Variants in RAP1B observed in about 807,000 individuals in gnomAD.
The protein encoded by RAP1B is RAP1B, member of RAS oncogene family.
In RAP1B, 1 loss-of-function variant was observed where a neutral mutation model predicts 27.5. The observed-to-expected ratio is 0.04, with a 90% confidence interval of 0.01 to 0.17. The LOEUF is 0.17. Among genes scored for constraint, RAP1B ranks in the 10% least tolerant of loss-of-function variants. The probability of loss-of-function intolerance (pLI) is 1.00; values close to 1 mark genes in which losing one functional copy is unlikely to be tolerated. For missense variants in RAP1B, 84 were observed against 214.8 expected, an observed-to-expected ratio of 0.39 and a Z score of 3.81; for synonymous variants, 75 against 73.1, an observed-to-expected ratio of 1.03 and a Z score of -0.13.
chr12:68,652,012 A>G lies in RAP1B; in HGVS notation c.144A>G (p.Ala48=), dbSNP rs751708035. ...TCTACCAGCAAGTTGAAGTAGATGC[A>G]CAACAGTGTATGCTTGAAATCTTGG... ...DSYRKQVEVD[A]QQCMLEILDT... The change falls in exon 4 of 8, where the codon GCA becomes GCG. Residue 48 remains alanine (A), a synonymous_variant. Coordinates refer to ENST00000250559, the MANE Select transcript of RAP1B (RefSeq NM_001010942.3). 6.2e-7 allele frequency: 1 copy of G among 1,613,206 alleles called. No individual in the cohort carries two copies. Among genetic ancestry groups the G allele is most frequent in the South Asian group, 1.1e-5 (1 of 91,028 alleles).
rs771484278 is a variant in RAP1B at position 68,650,352 on chromosome 12, T to C, written c.58-48T>C. 20 of 1,443,674 alleles carry C rather than the reference T, an allele frequency of 1.4e-5. No individual in the cohort carries two copies. The South Asian group carries it at 2.6e-4, about 19-fold the overall frequency. 89.4% of individuals were successfully genotyped at this position (1,443,674 alleles called of 1,614,324 possible). On this transcript the variant is annotated intron_variant, in intron 2 of 7. Transcript: ENST00000250559. ...GTTTACAATTACATTAAAGATTGAA[T>C]GTACTCTTTTCTTTAGAAGTATAAT...
At chr12:68,652,929 C>A (rs540801568) in intron 4 of RAP1B, among the ~76,000 whole-genome samples, 1 of 151,954 alleles carries the variant, frequency 6.6e-6, no homozygotes, top group South Asian at 2.1e-4. Context: ...TTTGATTGAG[C>A]TGGGTATGAT....
At chr12:68,657,319 A>G (rs1874275294) in intron 7 of RAP1B, 102 bp downstream of exon 7, 1 of 691,752 alleles carries the variant, frequency 1.4e-6, no homozygotes, top group Non-Finnish European at 2.5e-6. Flanking sequence ...GTTCTGAAAA[A>G]TAAATGGTTT....
rs1170565833 is a variant in RAP1B, at chr12:68,667,173, CTCT to C, written c.*7927_*7929del. ...TTTTCAGACATATCCAGAGGGTTTTCTCTTCATCTCACGCATCCCACCTTTAAT... is the reference window on the plus strand; with the variant it reads ...TTTTCAGACATATCCAGAGGGTTTTCTCATCTCACGCATCCCACCTTTAAT... On this transcript the variant is annotated 3_prime_UTR_variant, in exon 8 of 8. Transcript: ENST00000250559. The C allele has an allele frequency of 1.3e-5, 2 of 152,142 alleles. No homozygotes were observed. Among genetic ancestry groups the C allele is most frequent in the Admixed American group, 6.5e-5 (1 of 15,274 alleles). The allele number at this position is 152,142 out of a possible 1,614,324, so 9.4% of individuals were successfully genotyped here.
intron 1 of RAP1B, among the ~76,000 whole-genome samples, chr12:68,625,562 T>G (rs1312519090): frequency 6.6e-6 from 1 of 152,234 alleles, no homozygotes; most frequent in Admixed American, 6.5e-5. Flanking sequence ...AAGTTTCATT[T>G]TGAATGTATA....
At chr12:68,615,495 A>G (rs1334714803) in intron 1 of RAP1B, among the ~76,000 whole-genome samples, 1 of 152,024 alleles carries the variant, frequency 6.6e-6, no homozygotes. Context: ...AGACTGAGGC[A>G]GGAGAATCGC....
intron 1 of RAP1B, among the ~76,000 whole-genome samples, chr12:68,643,948 C>T (rs1235837508): frequency 6.6e-6 from 1 of 151,090 alleles, no homozygotes; most frequent in East Asian, 1.9e-4. Flanking sequence ...TTTTTTATTC[C>T]AGGGAATTGA....
rs781033479 is a variant in RAP1B, at chr12:68,656,303, T to C, written c.325-3T>C. 2.5e-6 allele frequency: 4 copies of C among 1,598,544 alleles called. No individual in the cohort carries two copies. The Admixed American group carries it at 5.0e-5, about 20-fold the overall frequency. ...ATTTTTACTCTCACAAATGTATTTT[T>C]AGGTTCCAATGATTCTTGTTGGTAA... On this transcript the variant is annotated splice_region_variant and splice_polypyrimidine_tract_variant and intron_variant, in intron 5 of 7. Coordinates refer to ENST00000250559, the MANE Select transcript of RAP1B (RefSeq NM_001010942.3).
chr12:68,616,765 C>T (rs1052079363), intron 1 of RAP1B, among the ~76,000 whole-genome samples: 1 of 151,988 alleles, frequency 6.6e-6, no homozygotes, highest in African/African-American at 2.4e-5. Context: ...GACGTTTCGC[C>T]ATGTTGCCCA....
intron 1 of RAP1B, among the ~76,000 whole-genome samples, chr12:68,633,963 C>T (rs1375377959): frequency 6.6e-6 from 1 of 152,198 alleles, no homozygotes; most frequent in Non-Finnish European, 1.5e-5. Context: ...GTATCCTCCT[C>T]TTCCCGTGTA....
Position 68,656,288 on chromosome 12 carries a change from TCA to T in RAP1B, c.325-15_325-14del. The T allele has an allele frequency of 6.3e-7, 1 of 1,581,900 alleles. No homozygotes were observed. The highest frequency in any genetic ancestry group is 8.7e-7 in the Non-Finnish European group (1 of 1,152,520). On this transcript the variant is annotated splice_polypyrimidine_tract_variant and intron_variant, in intron 5 of 7. Transcript: ENST00000250559. ...CATATTTACTTATTTATTTTTACTC[TCA>T]CAAATGTATTTTTAGGTTCCAATGA... is the stretch of plus-strand genomic sequence containing the variant.
At position 68,656,566 on chromosome 12, in the gene RAP1B, C is replaced by CA. The variant is rs368220197; in HGVS notation, c.468+129dup. ...CAGGGTAATATGTTGATGTTACAGG[C>CA]AAAAAAAAAAAACCCTCATGTTAAA... On this transcript the variant is annotated intron_variant, in intron 6 of 7. Transcript: ENST00000250559. The CA allele has an allele frequency of 0.037, 24,304 of 656,736 alleles. No homozygotes were observed. The highest frequency in any genetic ancestry group is 0.063 in the South Asian group (2,721 of 43,190). 40.7% of individuals were successfully genotyped at this position (656,736 alleles called of 1,614,324 possible). A position where few individuals can be genotyped will look rare whatever the true frequency, so the allele number is the denominator to read the frequency against.
chr12:68,653,059 A>T (rs939761087), intron 4 of RAP1B, among the ~76,000 whole-genome samples: 2 of 151,530 alleles, frequency 1.3e-5, no homozygotes, highest in Non-Finnish European at 1.5e-5. Context: ...AAATACAAAA[A>T]TTAGCCAGGT....
chr12:68,640,389 C>G (rs148345918), intron 1 of RAP1B, among the ~76,000 whole-genome samples: 246 of 152,114 alleles, frequency 1.6e-3, no homozygotes, highest in Non-Finnish European at 2.8e-3. Context: ...ACCCTTTACT[C>G]CAGATTATAA....
chr12:68,642,920 T>C, intron 1 of RAP1B: 1 of 929,012 alleles, frequency 1.1e-6, no homozygotes, highest in East Asian at 2.4e-5. Context: ...AGCAATGGCC[T>C]TTTGGTTCTG....
intron 1 of RAP1B, among the ~76,000 whole-genome samples, chr12:68,647,683 A>G (rs2135957724): frequency 6.6e-6 from 1 of 151,734 alleles, no homozygotes; most frequent in South Asian, 2.1e-4. Context: ...GAGCAGGTTA[A>G]TGTTAGCTAT....
At chr12:68,618,626 G>A (rs1224859006) in intron 1 of RAP1B, among the ~76,000 whole-genome samples, 2 of 152,088 alleles carry the variant, frequency 1.3e-5, no homozygotes, top group Admixed American at 6.6e-5. Flanking sequence ...AGTGACATTT[G>A]TACCTGTAGT....
intron 1 of RAP1B, among the ~76,000 whole-genome samples, chr12:68,626,634 C>T (rs548368959): frequency 3.3e-5 from 5 of 151,940 alleles, no homozygotes; most frequent in African/African-American, 1.2e-4. Flanking sequence ...AGCAGACACC[C>T]TTTTCTGTAT....
At chr12:68,656,283 T>C in intron 5 of RAP1B, 23 bp from the exon 6 acceptor site, 1 of 1,572,154 alleles carries the variant, frequency 6.4e-7, no homozygotes, top group Non-Finnish European at 8.7e-7. Context: ...TATTTATTTT[T>C]ACTCTCACAA....
Sources: gnomAD v4.1 joint callset for allele counts (sites outside exome capture counted in the v4.1 genomes callset) on GRCh38, gnomAD v4.1.1 for gene constraint, MANE v1.5 for transcripts, NCBI Gene and HGNC (gene_info 2026-07-23, HGNC 2026-07-21) for gene names.